Variants in NFIA observed in about 807,000 individuals in gnomAD.
The protein encoded by NFIA is nuclear factor 1 A-type.
NFIA carries 8 observed loss-of-function variants against 62.8 expected under a neutral mutation model. The observed-to-expected ratio is 0.13, with a 90% CI of 0.07 to 0.23. The LOEUF (loss-of-function observed/expected upper bound fraction) is 0.23. NFIA is among the 10% of genes least tolerant of loss of function. The pLI is 1.00. For synonymous variants in NFIA, 235 were observed against 238.1 expected (o/e 0.99, Z 0.12); for missense variants, 410 against 642.1 (o/e 0.64, Z 3.91).
intron 4 of NFIA, 125 bp from the exon 5 acceptor site, chr1:61,352,325 T>C (rs1165242552): frequency 1.5e-6 from 1 of 653,188 alleles, no homozygotes; most frequent in Non-Finnish European, 2.7e-6. Context: ...TTATTACTGA[T>C]TATTTTCGAT....
At chr1:61,161,946 T>A (rs1649239628) in intron 2 of NFIA, among the ~76,000 whole-genome samples, 1 of 152,040 alleles carries the variant, frequency 6.6e-6, no homozygotes, top group South Asian at 2.1e-4. Flanking sequence ...AGAAAACAGG[T>A]AGTGATTAAA....
Position 61,406,716 on chromosome 1 carries a change from C to T in NFIA, c.1409C>T (p.Pro470Leu). The part of the protein sequence containing the change: ...TTSTEGGAAS[P>L]TSPTYSTPST... The stretch of plus-strand genomic sequence containing the variant: ...TCAACAGAAGGAGGTGCAGCCTCCC[C>T]CACGTCACCAAGTAAGTATGGCTGC... Residue 470 changes from proline (P) to leucine (L), a missense_variant, in exon 9 of 11, where the codon CCC becomes CTC. Physicochemically the swap from Pro to Leu is moderately conservative, Grantham distance 98. Coordinates refer to ENST00000403491, the MANE Select transcript of NFIA (RefSeq NM_001134673.4). The T allele has an allele frequency of 6.2e-7, 1 of 1,608,528 alleles. No individual in the cohort carries two copies. Among genetic ancestry groups the T allele is most frequent in the Non-Finnish European group, 8.5e-7 (1 of 1,177,530 alleles).
At chr1:61,360,931 C>T (rs1456702921) in intron 6 of NFIA, among the ~76,000 whole-genome samples, 3 of 152,160 alleles carry the variant, frequency 2.0e-5, no homozygotes, top group Admixed American at 6.5e-5. Context: ...TTCATTCATT[C>T]ACTCATTGGA....
intron 2 of NFIA, among the ~76,000 whole-genome samples, chr1:61,093,062 A>C (rs1302774722): frequency 6.6e-6 from 1 of 152,232 alleles, no homozygotes; most frequent in East Asian, 1.9e-4. Flanking sequence ...GTTACAGTTT[A>C]TAATTTTATG....
intron 2 of NFIA, among the ~76,000 whole-genome samples, chr1:61,218,218 C>T (rs1653768804): frequency 6.6e-6 from 1 of 152,190 alleles, no homozygotes; most frequent in Non-Finnish European, 1.5e-5. Context: ...ATTCTCACTT[C>T]GCTTCTGCAT....
intron 2 of NFIA, among the ~76,000 whole-genome samples, chr1:61,113,119 A>G (rs1646732501): frequency 6.6e-6 from 1 of 152,080 alleles, no homozygotes; most frequent in Non-Finnish European, 1.5e-5. Flanking sequence ...GTCTTTCAAT[A>G]TATTCTTTAA....
chr1:61,235,306 C>G (rs1654925849), intron 2 of NFIA, among the ~76,000 whole-genome samples: 1 of 151,416 alleles, frequency 6.6e-6, no homozygotes, highest in African/African-American at 2.4e-5. Flanking sequence ...ACTAAAAATA[C>G]AAAAAAATTA....
intron 10 of NFIA, among the ~76,000 whole-genome samples, chr1:61,436,765 T>C (rs1350141159): frequency 6.6e-6 from 1 of 152,210 alleles, no homozygotes; most frequent in East Asian, 1.9e-4. Flanking sequence ...TTGAGTTACA[T>C]TCCACAGCAC....
At chr1:61,189,534 G>A (rs553575842) in intron 2 of NFIA, among the ~76,000 whole-genome samples, 37 of 152,064 alleles carry the variant, frequency 2.4e-4, no homozygotes, top group Admixed American at 5.2e-4. Context: ...GCATGGTGGC[G>A]CGCAGCTGTA....
intron 1 of NFIA, among the ~76,000 whole-genome samples, chr1:61,083,517 T>C (rs922061288): frequency 2.0e-5 from 3 of 151,856 alleles, no homozygotes; most frequent in Non-Finnish European, 2.9e-5. Flanking sequence ...CGGCTAGCCC[T>C]CGGCTGAGCG....
intron 6 of NFIA, among the ~76,000 whole-genome samples, chr1:61,360,460 A>G (rs1663229547): frequency 6.6e-6 from 1 of 152,218 alleles, no homozygotes; most frequent in South Asian, 2.1e-4. Context: ...CAGTACTAAT[A>G]GCTATTTCCT....
At chr1:61,290,139 A>G (rs1344379144) in intron 3 of NFIA, among the ~76,000 whole-genome samples, 1 of 150,626 alleles carries the variant, frequency 6.6e-6, no homozygotes, top group African/African-American at 2.4e-5. Flanking sequence ...TTTAATAGAT[A>G]TTTTTAAACA....
At chr1:61,260,452 C>T (rs1196608971) in intron 2 of NFIA, among the ~76,000 whole-genome samples, 1 of 152,160 alleles carries the variant, frequency 6.6e-6, no homozygotes, top group African/African-American at 2.4e-5. Context: ...GCTTGGTGAG[C>T]CTTTTTTGTT....
At chr1:61,243,545 TTTG>T (rs888107924) in intron 2 of NFIA, among the ~76,000 whole-genome samples, 18 of 152,280 alleles carry the variant, frequency 1.2e-4, no homozygotes, top group Middle Eastern at 3.4e-3. Flanking sequence ...ACTTGTCAAT[TTTG>T]TTGTTTTTTT....
rs545280248 is a variant in NFIA, at chr1:61,202,904, A to G, written c.560-74616A>G. 2.0e-5 allele frequency among the ~76,000 whole-genome samples: 3 copies of G among 152,360 alleles called. No homozygotes were observed. In the South Asian group the frequency reaches 6.2e-4, roughly 32 times the overall value. On this transcript the variant is annotated intron_variant, in intron 2 of 10. Transcript: ENST00000403491. ...CAAGTTTATTTATTGTTAAAGCCTC[A>G]TGTAAATCACGTCATTCTGAAAATC...
At chr1:61,082,549 G>A (rs2100402295), upstream of NFIA, 1 of 1,441,980 alleles carries the variant, frequency 6.9e-7, no homozygotes, top group Non-Finnish European at 9.1e-7. Flanking sequence ...GGAGTGTAGG[G>A]AAACTCTAGG....
chr1:61,091,318 A>G (rs184730273), intron 2 of NFIA, among the ~76,000 whole-genome samples: 2 of 152,160 alleles, frequency 1.3e-5, no homozygotes, highest in East Asian at 3.9e-4. Flanking sequence ...ACGTGAGAAT[A>G]CTAGAAGCAA....
At chr1:61,377,334 T>C (rs1183646125) in intron 6 of NFIA, among the ~76,000 whole-genome samples, 1 of 152,206 alleles carries the variant, frequency 6.6e-6, no homozygotes, top group Non-Finnish European at 1.5e-5. Context: ...GCCTGGTTTT[T>C]GGACGTGATC....
chr1:61,257,267 TTG>T (rs1429844544), intron 2 of NFIA, among the ~76,000 whole-genome samples: 1 of 151,874 alleles, frequency 6.6e-6, no homozygotes, highest in Non-Finnish European at 1.5e-5. Context: ...ATAAGCATGT[TTG>T]TGCAGAGGTA....
Sources: gnomAD v4.1 joint callset for allele counts (sites outside exome capture counted in the v4.1 genomes callset) on GRCh38, gnomAD v4.1.1 for gene constraint, MANE v1.5 for transcripts, NCBI Gene and HGNC (gene_info 2026-07-23, HGNC 2026-07-21) for gene names.